ANKRD6: variants seen among roughly 807,000 people sequenced by gnomAD.
The protein encoded by ANKRD6 is ankyrin repeat domain 6.
Under a neutral mutation model 82.3 loss-of-function variants are expected in ANKRD6, and 56 were observed. That is an observed-to-expected ratio of 0.68 (90% CI 0.55 to 0.85). The LOEUF is 0.85. Among genes scored for constraint, ANKRD6 ranks in the 40% least tolerant of loss-of-function variants. The pLI is 0.00. For synonymous variants in ANKRD6, 347 were observed against 352.1 expected (o/e 0.99, Z 0.16); for missense variants, 852 against 907.6 (o/e 0.94, Z 0.79).
At chr6:89,526,789 T>C (rs144042266) in intron 1 of ANKRD6, among the ~76,000 whole-genome samples, 1 of 152,148 alleles carries the variant, frequency 6.6e-6, no homozygotes, top group African/African-American at 2.4e-5. Flanking sequence ...AGGGAGCCTA[T>C]GGCGTAGGCT....
chr6:89,595,420 T>A (rs1197126524), intron 2 of ANKRD6, among the ~76,000 whole-genome samples: 2 of 151,536 alleles, frequency 1.3e-5, no homozygotes, highest in Non-Finnish European at 2.9e-5. Context: ...AGTCAGACCC[T>A]GTCTCAAAGA....
At chr6:89,539,792 C>T (rs565291117) in intron 1 of ANKRD6, among the ~76,000 whole-genome samples, 2 of 151,080 alleles carry the variant, frequency 1.3e-5, no homozygotes, top group South Asian at 4.2e-4. Flanking sequence ...CCACCCAGCC[C>T]CCAATAACTC....
intron 3 of ANKRD6, among the ~76,000 whole-genome samples, chr6:89,601,024 G>A (rs1330044257): frequency 2.6e-5 from 4 of 152,136 alleles, no homozygotes; most frequent in East Asian, 1.9e-4. Flanking sequence ...GCGACAGGGC[G>A]AGACTCTGTC....
At chr6:89,450,686 T>C (rs916226855) in intron 1 of ANKRD6, among the ~76,000 whole-genome samples, 2 of 151,954 alleles carry the variant, frequency 1.3e-5, no homozygotes, top group Non-Finnish European at 2.9e-5. Context: ...GACTTTTTTT[T>C]TTTTTGTAGA....
intron 3 of ANKRD6, among the ~76,000 whole-genome samples, chr6:89,600,200 A>G (rs1796808384): frequency 6.6e-6 from 1 of 152,186 alleles, no homozygotes; most frequent in East Asian, 1.9e-4. Flanking sequence ...TTCTCAAAGG[A>G]AGCAAATACA....
intron 2 of ANKRD6, among the ~76,000 whole-genome samples, chr6:89,586,080 C>T (rs1793627043): frequency 6.6e-6 from 1 of 152,156 alleles, no homozygotes; most frequent in Non-Finnish European, 1.5e-5. Context: ...GAACAAGAAA[C>T]ACCAATCTCA....
At chr6:89,547,076 T>C (rs1210533121) in intron 1 of ANKRD6, among the ~76,000 whole-genome samples, 1 of 152,190 alleles carries the variant, frequency 6.6e-6, no homozygotes, top group African/African-American at 2.4e-5. Context: ...TCCTCCCACC[T>C]CGGCCTCCCA....
At chr6:89,580,421 A>C (rs916414624) in intron 2 of ANKRD6, among the ~76,000 whole-genome samples, 7 of 152,158 alleles carry the variant, frequency 4.6e-5, no homozygotes, top group African/African-American at 1.7e-4. Context: ...GTAAAGTAGT[A>C]ACTTTCCCCA....
chr6:89,584,113 A>G (rs1038348161), intron 2 of ANKRD6, among the ~76,000 whole-genome samples: 1 of 152,266 alleles, frequency 6.6e-6, no homozygotes, highest in Non-Finnish European at 1.5e-5. Flanking sequence ...ACGAGACATT[A>G]TAATATTGTG....
At chr6:89,544,997 A>G (rs976203813) in intron 1 of ANKRD6, among the ~76,000 whole-genome samples, 1 of 151,956 alleles carries the variant, frequency 6.6e-6, no homozygotes, top group Non-Finnish European at 1.5e-5. Context: ...GCAGATCACG[A>G]GATCAGGAGA....
At chr6:89,616,327 G>A (rs1229049381) in intron 7 of ANKRD6, 1 of 545,710 alleles carries the variant, frequency 1.8e-6, no homozygotes, top group Admixed American at 3.2e-5. Flanking sequence ...TAATCCTGCT[G>A]CGTGATTTCA....
At position 89,632,422 on chromosome 6, in the gene ANKRD6, GTTTT is replaced by G. The variant is rs925817243; in HGVS notation, c.*1421_*1424del. On this transcript the variant is annotated 3_prime_UTR_variant, in exon 16 of 16. Coordinates refer to ENST00000339746, the MANE Select transcript of ANKRD6 (RefSeq NM_001242809.2). ...TACCTGAATATGGAATGAATTTGAT[GTTTT>G]TTATTTTGTTGAGACAGGGTCTTGC... 6.6e-6 allele frequency: 1 copy of G among 152,054 alleles called. No individual in the cohort carries two copies. Among genetic ancestry groups the G allele is most frequent in the African/African-American group, 2.4e-5 (1 of 41,394 alleles). The allele number at this position is 152,054 out of a possible 1,614,324, so 9.4% of individuals were successfully genotyped here. A position where few individuals can be genotyped will look rare whatever the true frequency, so the allele number is the denominator to read the frequency against.
chr6:89,590,749 GGCTGACGGGGT>G (rs1447776162), intron 2 of ANKRD6, among the ~76,000 whole-genome samples: 1 of 152,042 alleles, frequency 6.6e-6, no homozygotes, highest in Admixed American at 6.6e-5. Flanking sequence ...GAGCTCAGAT[GGCTGACGGGGT>G]GAATCCAGAC....
At chr6:89,578,555 C>CA (rs1791723288) in intron 2 of ANKRD6, among the ~76,000 whole-genome samples, 1 of 152,162 alleles carries the variant, frequency 6.6e-6, no homozygotes, top group Non-Finnish European at 1.5e-5. Context: ...CTTGGCCTCC[C>CA]AAAGTGCTGG....
chr6:89,593,985 C>T (rs538622460), intron 2 of ANKRD6, among the ~76,000 whole-genome samples: 2 of 152,346 alleles, frequency 1.3e-5, no homozygotes, highest in South Asian at 4.1e-4. Context: ...GAAGGCTACT[C>T]AGGTGCACAA....
At chr6:89,591,598 T>C (rs1181954352) in intron 2 of ANKRD6, among the ~76,000 whole-genome samples, 1 of 152,222 alleles carries the variant, frequency 6.6e-6, no homozygotes, top group Non-Finnish European at 1.5e-5. Flanking sequence ...TAGTCGGACA[T>C]GCCTGGGGGC....
intron 1 of ANKRD6, among the ~76,000 whole-genome samples, chr6:89,549,225 G>A (rs1168188071): frequency 1.3e-5 from 2 of 151,996 alleles, no homozygotes; most frequent in African/African-American, 4.8e-5. Flanking sequence ...AAAGAAAAAA[G>A]GAAAAAGTTT....
At chr6:89,622,727 C>T (rs1803956535) in intron 10 of ANKRD6, among the ~76,000 whole-genome samples, 1 of 152,170 alleles carries the variant, frequency 6.6e-6, no homozygotes, top group Non-Finnish European at 1.5e-5. Flanking sequence ...CCGTGTAGCC[C>T]TGGAATAAAC....
intron 1 of ANKRD6, among the ~76,000 whole-genome samples, chr6:89,558,181 G>T (rs564844113): frequency 1.3e-5 from 2 of 152,214 alleles, no homozygotes; most frequent in Middle Eastern, 3.4e-3. Flanking sequence ...AAAGCTAAAC[G>T]CTGTGCTGCC....
Sources: gnomAD v4.1 joint callset for allele counts (sites outside exome capture counted in the v4.1 genomes callset) on GRCh38, gnomAD v4.1.1 for gene constraint, MANE v1.5 for transcripts, NCBI Gene and HGNC (gene_info 2026-07-23, HGNC 2026-07-21) for gene names.